Variants in HYCC1 observed in about 807,000 individuals in gnomAD.
The protein encoded by HYCC1 is hyccin PI4KA lipid kinase complex subunit 1, also known as hyccin.
At chr7:22,918,811 CT>C in the HYCC1 span, among the ~76,000 whole-genome samples, 1 of 152,140 alleles carries the variant, frequency 6.6e-6, no homozygotes, top group African/African-American at 2.4e-5. Context: ...TGCCCCACCC[CT>C]AACTCCCTTT....
the HYCC1 span, among the ~76,000 whole-genome samples, chr7:22,957,488 G>T: frequency 1.3e-5 from 2 of 151,696 alleles, no homozygotes; most frequent in Non-Finnish European, 2.9e-5. Flanking sequence ...AAGAAAAAAG[G>T]GCCAATTGCT....
the HYCC1 span, among the ~76,000 whole-genome samples, chr7:22,904,552 G>C: frequency 1.3e-5 from 2 of 151,904 alleles, no homozygotes; most frequent in Non-Finnish European, 2.9e-5. Flanking sequence ...CAGAATAAAG[G>C]TATAAGTCAC....
the HYCC1 span, among the ~76,000 whole-genome samples, chr7:22,969,415 C>T: frequency 6.7e-6 from 1 of 150,352 alleles, no homozygotes; most frequent in African/African-American, 2.5e-5. Context: ...ATCCACCCGC[C>T]GTGGCCTCTC....
chr7:23,009,570 C>T, the HYCC1 span, among the ~76,000 whole-genome samples: 1 of 152,004 alleles, frequency 6.6e-6, no homozygotes, highest in African/African-American at 2.4e-5. Context: ...AGCCAAGAGT[C>T]AAGGCTGAGG....
At chr7:23,011,940 C>G in the HYCC1 span, among the ~76,000 whole-genome samples, 20 of 152,280 alleles carry the variant, frequency 1.3e-4, no homozygotes, top group Non-Finnish European at 2.6e-4. Context: ...AACTCTCCTA[C>G]TACACTAGGC....
At chr7:22,960,690 T>C in the HYCC1 span, among the ~76,000 whole-genome samples, 4 of 152,332 alleles carry the variant, frequency 2.6e-5, no homozygotes, top group Admixed American at 6.5e-5. Flanking sequence ...AGCTAAAGTA[T>C]GTTAAGGAGA....
the HYCC1 span, among the ~76,000 whole-genome samples, chr7:22,923,728 C>T: frequency 4.6e-5 from 7 of 151,808 alleles, no homozygotes; most frequent in Admixed American, 4.6e-4. Context: ...ACTGGCCTTA[C>T]AAAATAAAGG....
chr7:22,945,624 G>T, the HYCC1 span: 2 of 1,613,120 alleles, frequency 1.2e-6, no homozygotes, highest in Non-Finnish European at 8.5e-7. Context: ...ATACTAGGAG[G>T]TCTCTGCTGA....
At chr7:22,987,186 G>C in the HYCC1 span, among the ~76,000 whole-genome samples, 3 of 152,170 alleles carry the variant, frequency 2.0e-5, no homozygotes, top group African/African-American at 4.8e-5. Context: ...TCTTTGAAAA[G>C]ATAGAGCTTG....
chr7:22,947,267 G>A, the HYCC1 span: 1 of 1,540,618 alleles, frequency 6.5e-7, no homozygotes, highest in Non-Finnish European at 8.8e-7. Context: ...AAGATGATAA[G>A]ACAAAATGAT....
chr7:22,984,294 G>A, the HYCC1 span, among the ~76,000 whole-genome samples: 1 of 152,058 alleles, frequency 6.6e-6, no homozygotes, highest in South Asian at 2.1e-4. Context: ...CCTTAAATTA[G>A]TAAATTTTAT....
the HYCC1 span, chr7:22,961,385 G>A: frequency 2.2e-6 from 2 of 925,092 alleles, no homozygotes; most frequent in Non-Finnish European, 3.5e-6. Flanking sequence ...AAAATACAAT[G>A]AGAAACTATC....
the HYCC1 span, among the ~76,000 whole-genome samples, chr7:23,003,096 T>A: frequency 5.9e-5 from 9 of 152,302 alleles, no homozygotes; most frequent in East Asian, 1.7e-3. Context: ...TGCTACATTC[T>A]GAGGTACTGG....
the HYCC1 span, among the ~76,000 whole-genome samples, chr7:23,001,332 T>C: frequency 6.6e-6 from 1 of 152,162 alleles, no homozygotes; most frequent in Non-Finnish European, 1.5e-5. Flanking sequence ...CCAAAGTGGT[T>C]AAGTTAGGGT....
chr7:22,924,238 T>C, the HYCC1 span, among the ~76,000 whole-genome samples: 252 of 150,118 alleles, frequency 1.7e-3, 1 homozygote, highest in African/African-American at 5.7e-3. Flanking sequence ...AGCTGCAGCC[T>C]ACAGCTCCCA....
At chr7:22,956,031 T>C in the HYCC1 span, among the ~76,000 whole-genome samples, 2 of 151,760 alleles carry the variant, frequency 1.3e-5, no homozygotes, top group Non-Finnish European at 3.0e-5. Context: ...CTCATTTTTC[T>C]TACTGGAATT....
At chr7:22,976,935 C>A in the HYCC1 span, 1 of 639,604 alleles carries the variant, frequency 1.6e-6, no homozygotes, top group Non-Finnish European at 2.8e-6. Context: ...TTTAGGCTGC[C>A]TACCAAATTT....
At chr7:22,920,918 G>A in the HYCC1 span, among the ~76,000 whole-genome samples, 3 of 152,028 alleles carry the variant, frequency 2.0e-5, no homozygotes, top group Admixed American at 2.0e-4. Flanking sequence ...GTGAGATCTG[G>A]TTGCTTAAAA....
At chr7:22,967,716 A>C in the HYCC1 span, among the ~76,000 whole-genome samples, 1 of 152,316 alleles carries the variant, frequency 6.6e-6, no homozygotes, top group Admixed American at 6.5e-5. Context: ...GGTAGGAGGA[A>C]GGGTAGGTTT....
Sources: gnomAD v4.1 joint callset for allele counts (sites outside exome capture counted in the v4.1 genomes callset) on GRCh38, gnomAD v4.1.1 for gene constraint, MANE v1.5 for transcripts, NCBI Gene and HGNC (gene_info 2026-07-23, HGNC 2026-07-21) for gene names.